The following PRDM16 variants were observed in gnomAD, a reference collection of about 807,000 sequenced individuals.
PRDM16 encodes the protein PR/SET domain 16.
A neutral mutation model predicts 110.6 loss-of-function variants in PRDM16; 23 were observed. That is an observed-to-expected ratio of 0.21 (90% CI 0.15 to 0.29). The LOEUF (loss-of-function observed/expected upper bound fraction) is 0.29. PRDM16 is among the 10% of genes least tolerant of loss of function. The pLI is 1.00. For missense variants in PRDM16, 1,615 were observed against 1,794.3 expected, an observed-to-expected ratio of 0.90 and a Z score of 1.81; for synonymous variants, 799 against 781.8, an observed-to-expected ratio of 1.02 and a Z score of -0.37.
At chr1:3,268,175 G>A (rs533545177) in intron 3 of PRDM16, among the ~76,000 whole-genome samples, 73 of 152,312 alleles carry the variant, frequency 4.8e-4, no homozygotes, top group African/African-American at 1.7e-3. Flanking sequence ...AGGGCCCGAC[G>A]CTCCTGCTGC....
chr1:3,101,123 C>A (rs1642522606), intron 1 of PRDM16, among the ~76,000 whole-genome samples: 1 of 152,138 alleles, frequency 6.6e-6, no homozygotes, highest in African/African-American at 2.4e-5. Flanking sequence ...GGGAAGCCTC[C>A]TCGCTGTGCC....
intron 3 of PRDM16, among the ~76,000 whole-genome samples, chr1:3,261,159 GA>G (rs1411060882): frequency 6.7e-6 from 1 of 148,942 alleles, no homozygotes. Context: ...GAGGCAGAAA[GA>G]AAACTCTTGA....
At chr1:3,202,035 G>A (rs187954880) in intron 2 of PRDM16, among the ~76,000 whole-genome samples, 20 of 152,306 alleles carry the variant, frequency 1.3e-4, no homozygotes, top group Admixed American at 1.1e-3. Context: ...GGTCCCCACT[G>A]CCTTCTGAGG....
chr1:3,356,334 G>A (rs1557630012), intron 3 of PRDM16, among the ~76,000 whole-genome samples: 1 of 152,222 alleles, frequency 6.6e-6, no homozygotes, highest in Non-Finnish European at 1.5e-5. Flanking sequence ...GGCCACTCTG[G>A]CCTGATGCAT....
chr1:3,189,325 A>T (rs1638237390), intron 2 of PRDM16, among the ~76,000 whole-genome samples: 1 of 152,062 alleles, frequency 6.6e-6, no homozygotes, highest in Non-Finnish European at 1.5e-5. Flanking sequence ...TACAGAGAAA[A>T]ACATGGGTGC....
chr1:3,181,692 GGTCTTACACA>G (rs1397163321), intron 1 of PRDM16, among the ~76,000 whole-genome samples: 1 of 91,194 alleles, frequency 1.1e-5, no homozygotes, highest in Non-Finnish European at 2.2e-5. Flanking sequence ...TCTTACACAC[GGTCTTACACA>G]CGGTCTTACA....
chr1:3,093,387 G>T (rs982228257), intron 1 of PRDM16, among the ~76,000 whole-genome samples: 1 of 152,224 alleles, frequency 6.6e-6, no homozygotes, highest in Non-Finnish European at 1.5e-5. Flanking sequence ...TGGTCAGACT[G>T]GGGTGCAGCT....
At chr1:3,396,358 C>T in intron 4 of PRDM16, 133 bp from the exon 5 acceptor site, 1 of 710,390 alleles carries the variant, frequency 1.4e-6, no homozygotes, top group South Asian at 1.5e-5. Context: ...AGTGGACCCT[C>T]TTGGTGGCAA....
chr1:3,152,304 TCATCCATCCATC>T lies in PRDM16; in HGVS notation c.38-33801_38-33790del, dbSNP rs140476841. Reference sequence around the variant, plus strand: ...TTCATCCATCCATTTATCCCTCCTTTCATCCATCCATCCATCCATCCATCCATCCATTTATCT... The same window carrying T: ...TTCATCCATCCATTTATCCCTCCTTTCATCCATCCATCCATCCATTTATCT... On this transcript the variant is annotated intron_variant, in intron 1 of 16. Transcript: ENST00000270722. 7.7e-3 allele frequency among the ~76,000 whole-genome samples: 1,170 copies of T among 151,794 alleles called. 16 individuals are homozygous for T. Among genetic ancestry groups the T allele is most frequent in the African/African-American group, 0.026 (1,082 of 41,326 alleles).
At chr1:3,128,727 C>A (rs867416650) in intron 1 of PRDM16, among the ~76,000 whole-genome samples, 2 of 152,022 alleles carry the variant, frequency 1.3e-5, no homozygotes, top group Non-Finnish European at 2.9e-5. Context: ...CCACCCGGGT[C>A]GGTGGCTGTT....
chr1:3,372,106 A>G (rs777401048), intron 3 of PRDM16, among the ~76,000 whole-genome samples: 1 of 152,228 alleles, frequency 6.6e-6, no homozygotes, highest in South Asian at 2.1e-4. Flanking sequence ...TGACCAGGCC[A>G]TGAGCCTCTG....
intron 1 of PRDM16, among the ~76,000 whole-genome samples, chr1:3,130,255 C>T (rs1190691370): frequency 2.6e-5 from 4 of 152,294 alleles, no homozygotes; most frequent in African/African-American, 7.2e-5. Flanking sequence ...CTAGGACCCC[C>T]GGGCAGGCGA....
At chr1:3,211,749 T>A (rs1207243533) in intron 2 of PRDM16, among the ~76,000 whole-genome samples, 1 of 152,192 alleles carries the variant, frequency 6.6e-6, no homozygotes, top group Non-Finnish European at 1.5e-5. Flanking sequence ...GGAGAATAAA[T>A]GTGCACGGAA....
intron 3 of PRDM16, among the ~76,000 whole-genome samples, chr1:3,251,218 G>C (rs1022337278): frequency 6.7e-6 from 1 of 150,358 alleles, no homozygotes; most frequent in Non-Finnish European, 1.5e-5. Context: ...CCGGGGCAGC[G>C]CGGCCCTCAG....
At chr1:3,225,570 G>A (rs1190680547) in intron 2 of PRDM16, among the ~76,000 whole-genome samples, 3 of 150,050 alleles carry the variant, frequency 2.0e-5, no homozygotes, top group African/African-American at 5.0e-5. Flanking sequence ...GTGTGTGTGT[G>A]TGTGCGCGCG....
intron 3 of PRDM16, among the ~76,000 whole-genome samples, chr1:3,321,519 G>T (rs1641745243): frequency 6.7e-6 from 1 of 149,694 alleles, no homozygotes; most frequent in Admixed American, 6.6e-5. Flanking sequence ...TATTTGTGTG[G>T]GGGTGCATGT....
chr1:3,394,602 A>C (rs532077364), intron 4 of PRDM16: 2 of 356,276 alleles, frequency 5.6e-6, no homozygotes, highest in Non-Finnish European at 1.1e-5. Context: ...TCGCCCGCTG[A>C]CCCTCCTCTC....
rs1292512863 is a variant in PRDM16 at position 3,411,644 on chromosome 1, C to T, written c.1447C>T (p.Leu483=). ...KPSPSLNHAS[L]GFNEYFPSRP... is the part of the protein sequence containing the mutation. ...CTCCCCCAGCCTCAATCACGCCAGC[C>T]TGGGCTTCAACGAGTACTTTCCCTC... Residue 483 remains leucine (L), a synonymous_variant, in exon 9 of 17, where the codon CTG becomes TTG. Transcript: ENST00000270722. 1.2e-6 allele frequency: 2 copies of T among 1,613,722 alleles called. No individual in the cohort carries two copies. Among genetic ancestry groups the T allele is most frequent in the African/African-American group, 2.7e-5 (2 of 74,936 alleles).
In PRDM16 at chr1:3,255,506, G is replaced by A. The variant is rs531226177; in HGVS notation, c.438+11369G>A. On this transcript the variant is annotated intron_variant, in intron 3 of 16. Coordinates refer to ENST00000270722, the MANE Select transcript of PRDM16 (RefSeq NM_022114.4). This position sits in a 1 kb window ranked among gnomAD's most constrained non-coding sequence, Gnocchi z 4.7. ...AGGCAAGACAGTGGGGCGGAGTCCT[G>A]GGAGGAGGTGTGGCATTCATCTGTG... 6.6e-6 allele frequency among the ~76,000 whole-genome samples: 1 copy of A among 152,306 alleles called. No individual in the cohort carries two copies. The highest frequency in any genetic ancestry group is 2.1e-4 in the South Asian group (1 of 4,826).
Sources: allele counts gnomAD v4.1 joint callset (sites outside exome capture counted in the v4.1 genomes callset), GRCh38; gene constraint gnomAD v4.1.1; non-coding constraint Gnocchi (gnomAD v3.1); transcripts MANE v1.5; gene names NCBI Gene and HGNC (gene_info 2026-07-23, HGNC 2026-07-21).